The following DNAJC5 variants were observed in gnomAD, a reference collection of about 807,000 sequenced individuals.
DNAJC5 encodes DnaJ heat shock protein family (Hsp40) member C5.
In DNAJC5, 1 loss-of-function variant was observed where a neutral mutation model predicts 23.2. That is an observed-to-expected ratio of 0.04 (90% confidence interval 0.02 to 0.20). DNAJC5 has a LOEUF of 0.20. Ranked by LOEUF, DNAJC5 falls within the 10% of genes least tolerant of loss-of-function variation. DNAJC5 has a pLI of 1.00. For missense variants in DNAJC5, 180 were observed against 267.0 expected (o/e 0.67, Z 2.27); for synonymous variants, 136 against 120.0 (o/e 1.13, Z -0.87).
At chr20:63,917,496 G>T (rs1484541643) in intron 1 of DNAJC5, among the ~76,000 whole-genome samples, 3 of 152,082 alleles carry the variant, frequency 2.0e-5, no homozygotes, top group Non-Finnish European at 4.4e-5. Context: ...CAAGTGACAT[G>T]CCCACCTTGG....
chr20:63,931,840 T>G lies in DNAJC5; in HGVS notation c.*272T>G. 1 of 503,420 alleles carries G rather than the reference T, an allele frequency of 2.0e-6. No individual in the cohort carries two copies. The highest frequency in any genetic ancestry group is 3.6e-5 in the East Asian group (1 of 27,420). The allele number at this position is 503,420 out of a possible 1,614,324, so 31.2% of individuals were successfully genotyped here. ...TGTTCCATGTCTGTGTTGTGGACATTCCGCGGCATGACCGCGTGAACTGCA... is the reference window on the plus strand; with the variant it reads ...TGTTCCATGTCTGTGTTGTGGACATGCCGCGGCATGACCGCGTGAACTGCA... On this transcript the variant is annotated 3_prime_UTR_variant, in exon 5 of 5. Coordinates refer to ENST00000360864, the MANE Select transcript of DNAJC5 (RefSeq NM_025219.3). This position sits in a 1 kb window ranked among gnomAD's most constrained non-coding sequence, Gnocchi z 9.6.
rs1335125065 is a variant in DNAJC5 at position 63,929,279 on chromosome 20, A to G, written c.108-33A>G. 1 of 1,599,174 alleles carries G rather than the reference A, an allele frequency of 6.3e-7. No homozygotes were observed. The highest frequency in any genetic ancestry group is 8.5e-7 in the Non-Finnish European group (1 of 1,172,868). ...GGCGGGTGCGGGTGGAACAAAGTCCAGGGTAGAGCCAGGACATGGTTTTGG... is the reference window on the plus strand; with the variant it reads ...GGCGGGTGCGGGTGGAACAAAGTCCGGGGTAGAGCCAGGACATGGTTTTGG... On this transcript the variant is annotated intron_variant, in intron 2 of 4. Coordinates refer to ENST00000360864, the MANE Select transcript of DNAJC5 (RefSeq NM_025219.3). This position sits in a 1 kb window ranked among gnomAD's most constrained non-coding sequence, Gnocchi z 8.6.
intron 1 of DNAJC5, among the ~76,000 whole-genome samples, chr20:63,918,834 C>T (rs1468668819): frequency 6.6e-6 from 1 of 152,308 alleles, no homozygotes; most frequent in East Asian, 1.9e-4. Context: ...GACCTTGTGA[C>T]CCGCCCGCCT....
At chr20:63,900,381 A>G (rs969244409) in intron 1 of DNAJC5, among the ~76,000 whole-genome samples, 2 of 152,056 alleles carry the variant, frequency 1.3e-5, no homozygotes, top group East Asian at 3.9e-4. Context: ...AGTGAAGACC[A>G]GGCTGGGCAA....
At chr20:63,897,692 A>G (rs1369884691) in intron 1 of DNAJC5, among the ~76,000 whole-genome samples, 2 of 152,348 alleles carry the variant, frequency 1.3e-5, no homozygotes, top group Non-Finnish European at 2.9e-5. Flanking sequence ...ACATTTGGTA[A>G]TTAAGTAGAG....
chr20:63,912,745 C>T (rs1198728783), intron 1 of DNAJC5, among the ~76,000 whole-genome samples: 2 of 152,172 alleles, frequency 1.3e-5, no homozygotes, highest in African/African-American at 4.8e-5. Context: ...GTAGCTGGGA[C>T]TACAGGCGCC....
intron 1 of DNAJC5, among the ~76,000 whole-genome samples, chr20:63,900,297 G>T (rs952144605): frequency 1.3e-5 from 2 of 151,986 alleles, no homozygotes; most frequent in African/African-American, 4.8e-5. Context: ...GAAAATTCTG[G>T]GCTGGTGCAG....
intron 1 of DNAJC5, among the ~76,000 whole-genome samples, chr20:63,924,541 A>G (rs2053596324): frequency 6.6e-6 from 1 of 152,160 alleles, no homozygotes; most frequent in African/African-American, 2.4e-5. Context: ...ATGAGCCACC[A>G]TGCCTATTTA....
At chr20:63,921,691 T>G (rs1163246130) in intron 1 of DNAJC5, among the ~76,000 whole-genome samples, 1 of 152,184 alleles carries the variant, frequency 6.6e-6, no homozygotes, top group Non-Finnish European at 1.5e-5. Context: ...TGCAGCAGGT[T>G]GCAGCACGTG....
rs1231912975 is a variant in DNAJC5 at position 63,920,371 on chromosome 20, G to A, written c.-11-7964G>A. 1.3e-5 allele frequency among the ~76,000 whole-genome samples: 2 copies of A among 152,248 alleles called. No individual in the cohort carries two copies. The highest frequency in any genetic ancestry group is 2.9e-5 in the Non-Finnish European group (2 of 68,044). ...TCGGACCGGGAAGTGTGGTGGGTGT[G>A]GTGGGGGAAGGGGCTGGCGTCAGCA... On this transcript the variant is annotated intron_variant, in intron 1 of 4. Transcript: ENST00000360864. The surrounding 1 kb of genome is among the most constrained non-coding windows in gnomAD (Gnocchi z 4.6).
intron 1 of DNAJC5, among the ~76,000 whole-genome samples, chr20:63,896,718 G>A (rs950487484): frequency 5.3e-5 from 8 of 152,120 alleles, no homozygotes; most frequent in Admixed American, 3.3e-4. Flanking sequence ...TCCTCCTAGT[G>A]TCCTGCTTAA....
intron 1 of DNAJC5, among the ~76,000 whole-genome samples, chr20:63,918,150 T>C (rs2053529128): frequency 6.6e-6 from 1 of 152,234 alleles, no homozygotes; most frequent in African/African-American, 2.4e-5. Context: ...GAATAGAATG[T>C]GACCACACTG....
intron 1 of DNAJC5, among the ~76,000 whole-genome samples, chr20:63,898,103 G>A (rs1354592859): frequency 6.6e-6 from 1 of 152,162 alleles, no homozygotes; most frequent in African/African-American, 2.4e-5. Flanking sequence ...ACTTGAACTC[G>A]AGTCTTCTCT....
chr20:63,929,223 C>T lies in DNAJC5; in HGVS notation c.108-89C>T, dbSNP rs927572946. 55 of 1,471,104 alleles carry T rather than the reference C, an allele frequency of 3.7e-5. No individual in the cohort carries two copies. The highest frequency in any genetic ancestry group is 2.0e-4 in the East Asian group (8 of 40,574). 91.1% of individuals were successfully genotyped at this position (1,471,104 alleles called of 1,614,324 possible). On this transcript the variant is annotated intron_variant, in intron 2 of 4. Transcript: ENST00000360864. This position sits in a 1 kb window ranked among gnomAD's most constrained non-coding sequence, Gnocchi z 8.6. ...GGGTGGACCTGCCTTCCACTGCACCCGGCAGTGCGTGCGGGTGGGATGGAC... is the reference window on the plus strand; with the variant it reads ...GGGTGGACCTGCCTTCCACTGCACCTGGCAGTGCGTGCGGGTGGGATGGAC...
intron 1 of DNAJC5, among the ~76,000 whole-genome samples, chr20:63,903,857 G>T (rs2146273526): frequency 6.6e-6 from 1 of 152,178 alleles, no homozygotes; most frequent in East Asian, 1.9e-4. Context: ...AGGCTGAGGT[G>T]GATAGATCTC....
At chr20:63,904,860 A>G (rs1197606508) in intron 1 of DNAJC5, among the ~76,000 whole-genome samples, 2 of 152,038 alleles carry the variant, frequency 1.3e-5, no homozygotes, top group East Asian at 1.9e-4. Context: ...CTGGAGTGCA[A>G]CGGCGCGATC....
chr20:63,934,156 G>T lies in DNAJC5; in HGVS notation c.*2588G>T, dbSNP rs2069475517. 2 of 152,230 alleles carry T rather than the reference G, an allele frequency of 1.3e-5. No homozygotes were observed. Among genetic ancestry groups the T allele is most frequent in the African/African-American group, 4.8e-5 (2 of 41,436 alleles). The allele number at this position is 152,230 out of a possible 1,614,324, so 9.4% of individuals were successfully genotyped here. ...AGAACCGTTTTCAGCGCTCTGCCCT[G>T]TTGGCTTTAAGGCTTTGTCTTAATT... On this transcript the variant is annotated 3_prime_UTR_variant, in exon 5 of 5. Transcript: ENST00000360864.
intron 1 of DNAJC5, among the ~76,000 whole-genome samples, chr20:63,908,205 C>T (rs2053459633): frequency 1.3e-5 from 2 of 152,238 alleles, no homozygotes; most frequent in Non-Finnish European, 2.9e-5. Context: ...GTATGTGCTT[C>T]ACCAGGGACA....
intron 1 of DNAJC5, among the ~76,000 whole-genome samples, chr20:63,900,355 A>C (rs992456886): frequency 6.6e-6 from 1 of 152,006 alleles, no homozygotes; most frequent in Non-Finnish European, 1.5e-5. Flanking sequence ...AGGCAGGCGG[A>C]TTGCTAGAGT....
Sources: gnomAD v4.1 joint callset for allele counts (sites outside exome capture counted in the v4.1 genomes callset) on GRCh38, gnomAD v4.1.1 for gene constraint, Gnocchi (gnomAD v3.1) non-coding constraint, MANE v1.5 for transcripts, NCBI Gene and HGNC (gene_info 2026-07-23, HGNC 2026-07-21) for gene names.